Variants in STXBP5L observed in about 807,000 individuals in gnomAD.
STXBP5L encodes the protein syntaxin-binding protein 5-like.
STXBP5L carries 65 observed loss-of-function variants against 144.5 expected under a neutral mutation model. The ratio of observed to expected loss-of-function variants is 0.45; its 90% CI spans 0.37 to 0.55. The LOEUF (loss-of-function observed/expected upper bound fraction) is 0.55. Among genes scored for constraint, STXBP5L ranks in the 20% least tolerant of loss-of-function variants. The pLI is 0.00. For missense variants in STXBP5L, 1,298 were observed against 1,405.5 expected (o/e 0.92, Z 1.22); for synonymous variants, 505 against 469.6 (o/e 1.08, Z -0.97).
intron 3 of STXBP5L, among the ~76,000 whole-genome samples, chr3:121,018,008 G>A (rs571782561): frequency 4.3e-4 from 66 of 152,332 alleles, no homozygotes; most frequent in African/African-American, 1.5e-3. Context: ...GAGCCCAGAA[G>A]TTCAAGGTTG....
At chr3:121,126,605 A>G (rs765094979) in intron 7 of STXBP5L, among the ~76,000 whole-genome samples, 5 of 152,208 alleles carry the variant, frequency 3.3e-5, no homozygotes, top group Non-Finnish European at 7.3e-5. Flanking sequence ...TTTAATTGAT[A>G]TGGGGTAATG....
In STXBP5L at chr3:121,309,303, A is replaced by C. The variant is rs190222173; in HGVS notation, c.2111-9172A>C. On this transcript the variant is annotated intron_variant, in intron 19 of 26. Transcript: ENST00000471454. ...TGTAAATAGGTTGAAAATGAATGGG[A>C]AAAGATCATATGAACAACAGCCATA... Among the ~76,000 whole-genome samples, 913 of 152,200 alleles carry C rather than the reference A, an allele frequency of 6.0e-3. 7 individuals carry two copies. Among genetic ancestry groups the C allele is most frequent in the Non-Finnish European group, 9.8e-3 (664 of 67,948 alleles).
At chr3:121,159,637 T>C (rs1285379840) in intron 9 of STXBP5L, among the ~76,000 whole-genome samples, 7 of 149,482 alleles carry the variant, frequency 4.7e-5, no homozygotes, top group South Asian at 2.1e-4. Context: ...CTTTTTTTTT[T>C]TTTTTTTTTT....
intron 5 of STXBP5L, among the ~76,000 whole-genome samples, chr3:121,092,588 A>G (rs1033065015): frequency 1.3e-5 from 2 of 152,172 alleles, no homozygotes; most frequent in African/African-American, 2.4e-5. Flanking sequence ...TTATTGGTGT[A>G]TAAGAATGCT....
Position 121,421,796 on chromosome 3 carries a change from A to T in STXBP5L, c.*2699A>T, listed in dbSNP as rs906463534. On this transcript the variant is annotated 3_prime_UTR_variant, in exon 27 of 27. Transcript: ENST00000471454. ...GCTTAAAACCTTGGCCTCAGTGAAT[A>T]GATCAAAAGTTTATAATTAGCACAC... is the stretch of plus-strand genomic sequence containing the variant. The T allele has an allele frequency of 6.6e-6, 1 of 152,198 alleles. No homozygotes were observed. Among genetic ancestry groups the T allele is most frequent in the Admixed American group, 6.5e-5 (1 of 15,276 alleles). 9.4% of individuals were successfully genotyped at this position (152,198 alleles called of 1,614,324 possible). A position where few individuals can be genotyped will look rare whatever the true frequency, so the allele number is the denominator to read the frequency against.
intron 11 of STXBP5L, among the ~76,000 whole-genome samples, chr3:121,230,887 C>T (rs557596911): frequency 3.9e-5 from 6 of 152,244 alleles, no homozygotes; most frequent in South Asian, 2.1e-4. Flanking sequence ...GCAAAGTAGT[C>T]GGGCGGACCG....
intron 19 of STXBP5L, among the ~76,000 whole-genome samples, chr3:121,292,932 T>G (rs1020490580): frequency 9.9e-5 from 15 of 152,196 alleles, no homozygotes; most frequent in African/African-American, 3.6e-4. Context: ...TTGGGTACAG[T>G]GCACACTGCT....
intron 5 of STXBP5L, among the ~76,000 whole-genome samples, chr3:121,074,586 CTTCCACCCAG>C (rs1341801512): frequency 1.3e-5 from 2 of 152,184 alleles, no homozygotes; most frequent in East Asian, 3.9e-4. Context: ...GGGGGACTGT[CTTCCACCCAG>C]ACCCCTGGCA....
chr3:120,910,948 A>G (rs13323408), intron 2 of STXBP5L, among the ~76,000 whole-genome samples: 15,123 of 152,104 alleles, frequency 0.099, 1,185 homozygotes, highest in Admixed American at 0.2. Flanking sequence ...ATTCTGTTCG[A>G]TGAGGGAAGG....
At chr3:121,290,330 C>A (rs2108462311) in intron 19 of STXBP5L, among the ~76,000 whole-genome samples, 1 of 152,150 alleles carries the variant, frequency 6.6e-6, no homozygotes, top group South Asian at 2.1e-4. Context: ...TGGAAATATA[C>A]AACCCTCCTG....
chr3:120,998,383 GT>G lies in STXBP5L; in HGVS notation c.288-43308del, dbSNP rs147736530. 3.3e-5 allele frequency among the ~76,000 whole-genome samples: 5 copies of G among 151,628 alleles called. No homozygotes were observed. The East Asian group carries it at 5.8e-4, about 18-fold the overall frequency. On this transcript the variant is annotated intron_variant, in intron 3 of 26. Transcript: ENST00000471454. ...TGATCTGATAAACATCTTTGGCAAA[GT>G]TTTTTTTTAATATTATACTTTAAAT... is the stretch of plus-strand genomic sequence containing the variant.
At chr3:121,095,106 A>G (rs998469987) in intron 5 of STXBP5L, among the ~76,000 whole-genome samples, 2 of 152,254 alleles carry the variant, frequency 1.3e-5, no homozygotes, top group Middle Eastern at 3.4e-3. Flanking sequence ...AGAATGTTGA[A>G]TATTGGCCCC....
At chr3:121,185,311 A>G (rs2047331792) in intron 9 of STXBP5L, among the ~76,000 whole-genome samples, 1 of 152,074 alleles carries the variant, frequency 6.6e-6, no homozygotes, top group South Asian at 2.1e-4. Flanking sequence ...ATTAGATCCC[A>G]TTTGTCAATT....
At chr3:121,334,002 A>G (rs922657220) in intron 20 of STXBP5L, among the ~76,000 whole-genome samples, 4 of 152,018 alleles carry the variant, frequency 2.6e-5, no homozygotes, top group Non-Finnish European at 5.9e-5. Context: ...TGGCAGCAGT[A>G]TCCCCCATAC....
At chr3:120,945,463 T>G (rs1215324547) in intron 2 of STXBP5L, among the ~76,000 whole-genome samples, 1 of 151,866 alleles carries the variant, frequency 6.6e-6, no homozygotes, top group East Asian at 1.9e-4. Context: ...CTAGGAGTTC[T>G]GTGTTCAAAT....
intron 2 of STXBP5L, among the ~76,000 whole-genome samples, chr3:120,923,023 T>G (rs1709431951): frequency 6.6e-6 from 1 of 151,978 alleles, no homozygotes; most frequent in Non-Finnish European, 1.5e-5. Context: ...TCAATCTTAT[T>G]CCTCATTATT....
At chr3:121,405,032 G>A (rs2108739181) in intron 22 of STXBP5L, among the ~76,000 whole-genome samples, 2 of 152,122 alleles carry the variant, frequency 1.3e-5, no homozygotes, top group South Asian at 2.1e-4. Flanking sequence ...TTTCCTTTGT[G>A]TACACATAGG....
chr3:120,917,296 A>C (rs1293899816), intron 2 of STXBP5L, among the ~76,000 whole-genome samples: 1 of 152,234 alleles, frequency 6.6e-6, no homozygotes, highest in Non-Finnish European at 1.5e-5. Context: ...GATAGAATTA[A>C]GGTCAACAAT....
At chr3:121,416,405 T>C (rs1262159523) in intron 25 of STXBP5L, among the ~76,000 whole-genome samples, 1 of 150,560 alleles carries the variant, frequency 6.6e-6, no homozygotes, top group Non-Finnish European at 1.5e-5. Flanking sequence ...TTTAAAAATC[T>C]ACCAGTGAGA....
Sources: allele counts gnomAD v4.1 joint callset (sites outside exome capture counted in the v4.1 genomes callset), GRCh38; gene constraint gnomAD v4.1.1; transcripts MANE v1.5; gene names NCBI Gene and HGNC (gene_info 2026-07-23, HGNC 2026-07-21).